IMPACT: variants seen among roughly 807,000 people sequenced by gnomAD.
IMPACT encodes the protein protein IMPACT.
A neutral mutation model predicts 47.5 loss-of-function variants in IMPACT; 35 were observed. The observed-to-expected ratio is 0.74, with a 90% CI of 0.56 to 0.98. IMPACT has a LOEUF of 0.98. Ranked by LOEUF, IMPACT falls within the 50% of genes least tolerant of loss-of-function variation. IMPACT has a pLI of 0.00. For synonymous variants in IMPACT, 118 were observed against 125.6 expected (o/e 0.94, Z 0.40); for missense variants, 373 against 394.8 (o/e 0.94, Z 0.47).
intron 2 of IMPACT, 25 bp from the exon 3 acceptor site, chr18:24,428,844 A>G: frequency 6.3e-7 from 1 of 1,593,956 alleles, no homozygotes; most frequent in South Asian, 1.1e-5. Context: ...AAGTGTAAAC[A>G]GATGTTTTTG....
At chr18:24,431,220 G>A (rs1442474373) in intron 4 of IMPACT, among the ~76,000 whole-genome samples, 1 of 152,200 alleles carries the variant, frequency 6.6e-6, no homozygotes, top group Non-Finnish European at 1.5e-5. Context: ...AGTCTCGGAG[G>A]TGAGGGATGG....
rs533092181 is a variant in IMPACT, at chr18:24,450,007, T to A, written c.894+54T>A. The A allele has an allele frequency of 1.9e-6, 3 of 1,577,682 alleles. No individual in the cohort carries two copies. The South Asian group carries it at 3.3e-5, about 17-fold the overall frequency. On this transcript the variant is annotated intron_variant, in intron 10 of 10. Coordinates refer to ENST00000284202, the MANE Select transcript of IMPACT (RefSeq NM_018439.4). ...GAATTTCTCATCACTGCCTGGGAAT[T>A]TTTTAAAAAGACAGAAAATTAAGAA...
intron 4 of IMPACT, among the ~76,000 whole-genome samples, chr18:24,437,581 C>G (rs1941812): frequency 0.74 from 112,079 of 152,110 alleles, 41,639 homozygotes; most frequent in Admixed American, 0.78. Flanking sequence ...TCTTAAAAAA[C>G]TTTAAAAAAG....
chr18:24,428,200 A>C (rs1241124222), intron 2 of IMPACT, among the ~76,000 whole-genome samples, 153 bp downstream of exon 2: 1 of 152,230 alleles, frequency 6.6e-6, no homozygotes, highest in East Asian at 1.9e-4. Context: ...ATCTCAGATC[A>C]CTTTCAAATC....
At chr18:24,442,950 T>C (rs572955199) in intron 6 of IMPACT, 99 bp from the exon 7 acceptor site, 2 of 600,556 alleles carry the variant, frequency 3.3e-6, no homozygotes, top group East Asian at 5.9e-5. Flanking sequence ...TGATTTGCCA[T>C]GTAATTTACA....
chr18:24,448,035 A>T, intron 8 of IMPACT, 58 bp from the exon 9 acceptor site: 1 of 962,210 alleles, frequency 1.0e-6, no homozygotes. Context: ...ATGTTGAGGA[A>T]TAAGTTTTAT....
At chr18:24,429,953 A>G (rs1361038611) in intron 3 of IMPACT, among the ~76,000 whole-genome samples, 1 of 151,834 alleles carries the variant, frequency 6.6e-6, no homozygotes, top group Non-Finnish European at 1.5e-5. Flanking sequence ...AATTTTTTGT[A>G]TTTTTAGTAG....
chr18:24,441,445 C>T (rs1255004331), intron 6 of IMPACT, among the ~76,000 whole-genome samples: 3 of 152,214 alleles, frequency 2.0e-5, no homozygotes, highest in African/African-American at 7.2e-5. Context: ...TCCCAGAGTG[C>T]TGGGATTATT....
Position 24,443,059 on chromosome 18 carries a change from A to G in IMPACT, c.501A>G (p.Val167=), listed in dbSNP as rs759536179. ...DISETRTEVE[V]EELPPIDHGI... is the part of the protein sequence containing the mutation. ...CTTTTACATTTCTAGAAGTAGAAGT[A>G]GAAGAATTACCTCCGATTGATCATG... The change falls in exon 7 of 11, where the codon GTA becomes GTG. Residue 167 remains valine (V), a synonymous_variant. Coordinates refer to ENST00000284202, the MANE Select transcript of IMPACT (RefSeq NM_018439.4). The G allele has an allele frequency of 8.3e-6, 13 of 1,566,544 alleles. No homozygotes were observed. Among genetic ancestry groups the G allele is most frequent in the African/African-American group, 4.1e-5 (3 of 73,560 alleles).
At position 24,430,024 on chromosome 18, in the gene IMPACT, G is replaced by A. The variant is rs1019993904; in HGVS notation, c.219-298G>A. On this transcript the variant is annotated intron_variant, in intron 3 of 10. Coordinates refer to ENST00000284202, the MANE Select transcript of IMPACT (RefSeq NM_018439.4). Reference sequence around the variant, plus strand: ...GATCTCCTGACCTCGTGATCTGCCCGCCTCGGCCTCCCAAAGTGCTGGGAT... The same window carrying A: ...GATCTCCTGACCTCGTGATCTGCCCACCTCGGCCTCCCAAAGTGCTGGGAT... 1.4e-4 allele frequency among the ~76,000 whole-genome samples: 22 copies of A among 152,036 alleles called. No homozygotes were observed. In the South Asian group the frequency reaches 2.7e-3, roughly 19 times the overall value.
rs2144352522 is a variant in IMPACT, at chr18:24,451,222, G to A, written c.*375G>A. ...TATAAATACCTGATTTCTTGTCATC[G>A]AGATTCTTGTACTGTTAAATGAATA... is the stretch of plus-strand genomic sequence containing the variant. On this transcript the variant is annotated 3_prime_UTR_variant, in exon 11 of 11. Coordinates refer to ENST00000284202, the MANE Select transcript of IMPACT (RefSeq NM_018439.4). The A allele has an allele frequency of 6.3e-6, 1 of 158,254 alleles. No homozygotes were observed. Among genetic ancestry groups the A allele is most frequent in the African/African-American group, 2.4e-5 (1 of 41,740 alleles). The allele number at this position is 158,254 out of a possible 1,614,324, so 9.8% of individuals were successfully genotyped here.
intron 8 of IMPACT, among the ~76,000 whole-genome samples, chr18:24,445,896 G>A (rs1909238047): frequency 6.6e-6 from 1 of 152,012 alleles, no homozygotes; most frequent in Non-Finnish European, 1.5e-5. Flanking sequence ...GAGTGGTCCA[G>A]GGAACATCTT....
intron 1 of IMPACT, chr18:24,427,339 T>G (rs1193800168): frequency 6.5e-6 from 1 of 153,560 alleles, no homozygotes; most frequent in Non-Finnish European, 1.4e-5. Flanking sequence ...TCTTTTCCCT[T>G]TAGGTCCTCC....
chr18:24,434,951 A>G (rs1241809992), intron 4 of IMPACT, among the ~76,000 whole-genome samples: 1 of 150,032 alleles, frequency 6.7e-6, no homozygotes. Flanking sequence ...GTGATTAATT[A>G]GATGTATATT....
At chr18:24,427,737 A>G (rs1908649699) in intron 1 of IMPACT, 182 bp from the exon 2 acceptor site, 3 of 561,006 alleles carry the variant, frequency 5.3e-6, no homozygotes, top group South Asian at 2.6e-5. Flanking sequence ...AGTAGCGCCT[A>G]GCAACCACCC....
chr18:24,428,517 C>T (rs944222396), intron 2 of IMPACT, among the ~76,000 whole-genome samples: 1 of 152,190 alleles, frequency 6.6e-6, no homozygotes, highest in South Asian at 2.1e-4. Flanking sequence ...TCTTTGATGA[C>T]TGCTTGTATG....
At chr18:24,443,004 G>T in intron 6 of IMPACT, 45 bp from the exon 7 acceptor site, 2 of 1,033,170 alleles carry the variant, frequency 1.9e-6, no homozygotes, top group South Asian at 1.4e-5. Flanking sequence ...TTCAGTATTT[G>T]AATGTAAGGC....
intron 9 of IMPACT, 32 bp from the exon 10 acceptor site, chr18:24,449,787 A>G (rs1599768891): frequency 1.9e-6 from 3 of 1,574,114 alleles, no homozygotes; most frequent in Non-Finnish European, 1.7e-6. Context: ...ATGTCTGTCT[A>G]TGTATCTAAT....
intron 5 of IMPACT, chr18:24,439,623 C>A (rs182109681): frequency 8.3e-6 from 1 of 120,234 alleles, no homozygotes; most frequent in Non-Finnish European, 1.6e-5. Context: ...GGCGACAGAG[C>A]GAGACTCCGG....
Sources: allele counts gnomAD v4.1 joint callset (sites outside exome capture counted in the v4.1 genomes callset), GRCh38; gene constraint gnomAD v4.1.1; transcripts MANE v1.5; gene names NCBI Gene and HGNC (gene_info 2026-07-23, HGNC 2026-07-21).